CACNA2D2: variants seen among roughly 807,000 people sequenced by gnomAD.
CACNA2D2 encodes voltage-dependent calcium channel subunit alpha-2/delta-2.
A neutral mutation model predicts 166.4 loss-of-function variants in CACNA2D2; 48 were observed. The observed-to-expected ratio is 0.29, with a 90% confidence interval of 0.23 to 0.37. The LOEUF (loss-of-function observed/expected upper bound fraction) is 0.37. Among genes scored for constraint, CACNA2D2 ranks in the 10% least tolerant of loss-of-function variants. The pLI, the probability that CACNA2D2 is intolerant of heterozygous loss-of-function variation, is 1.00. For missense variants in CACNA2D2, 1,122 were observed against 1,433.0 expected (o/e 0.78, Z 3.50); for synonymous variants, 561 against 573.7 (o/e 0.98, Z 0.32).
intron 2 of CACNA2D2, among the ~76,000 whole-genome samples, chr3:50,466,556 G>A (rs759119030): frequency 8.5e-5 from 13 of 152,160 alleles, no homozygotes; most frequent in Non-Finnish European, 1.8e-4. Context: ...GACGCACAGG[G>A]GTTCACTTAT....
At chr3:50,462,393 T>C (rs868550918) in intron 2 of CACNA2D2, among the ~76,000 whole-genome samples, 1 of 133,542 alleles carries the variant, frequency 7.5e-6, no homozygotes, top group East Asian at 2.3e-4. Flanking sequence ...CTCAAAATAA[T>C]AATAATAATA....
In CACNA2D2 at chr3:50,384,299, C is replaced by A; in HGVS notation, c.549G>T (p.Lys183Asn). 1 of 1,614,118 alleles carries A rather than the reference C, an allele frequency of 6.2e-7. No individual in the cohort carries two copies. The highest frequency in any genetic ancestry group is 8.5e-7 in the Non-Finnish European group (1 of 1,180,000). Residue 183 changes from lysine to asparagine, a missense_variant, in exon 6 of 38, where the codon AAG becomes AAT. Around this residue, in one of 2 missense-constraint regions of CACNA2D2, gnomAD observed 840 missense variants for 1,166.8 expected, o/e 0.72. Coordinates refer to ENST00000424201, the MANE Select transcript of CACNA2D2 (RefSeq NM_006030.4). ...PESEDVERGSKASTLRLDFIE... is the reference protein window; with the variant it reads ...PESEDVERGSNASTLRLDFIE... ...TGAAGTCCAGCCTTAGGGTGCTGGC[C>A]TTAGACCCCCTTTCCACATCCTCAC...
chr3:50,410,900 ACACATGTG>A (rs1706980374), intron 3 of CACNA2D2, among the ~76,000 whole-genome samples: 2 of 152,202 alleles, frequency 1.3e-5, no homozygotes, highest in Non-Finnish European at 2.9e-5. Context: ...GTGTACATAA[ACACATGTG>A]CACATGTGCA....
At chr3:50,377,672 TG>T (rs1705061287) in intron 16 of CACNA2D2, 59 bp downstream of exon 16, 2 of 1,576,906 alleles carry the variant, frequency 1.3e-6, no homozygotes, top group African/African-American at 2.7e-5. Context: ...TCAGACCTGC[TG>T]TGGGCATGCC....
chr3:50,375,062 T>C lies in CACNA2D2; in HGVS notation c.1908-249A>G, dbSNP rs1424162972. Among the ~76,000 whole-genome samples, 1 of 151,828 alleles carries C rather than the reference T, an allele frequency of 6.6e-6. No homozygotes were observed. The highest frequency in any genetic ancestry group is 1.5e-5 in the Non-Finnish European group (1 of 67,932). On this transcript the variant is annotated intron_variant, in intron 21 of 37. Coordinates refer to ENST00000424201, the MANE Select transcript of CACNA2D2 (RefSeq NM_006030.4). The surrounding 1 kb of genome is among the most constrained non-coding windows in gnomAD (Gnocchi z 4.0). ...CCCCAAAGCAAATCCCCACACCATC[T>C]CCCCTCCCAGCAGCCTCTCACAACA...
At chr3:50,391,511 C>T (rs535763838) in intron 4 of CACNA2D2, among the ~76,000 whole-genome samples, 2 of 152,224 alleles carry the variant, frequency 1.3e-5, no homozygotes, top group Non-Finnish European at 2.9e-5. Context: ...ATGGGAGGCA[C>T]TGCCTGCTAA....
intron 3 of CACNA2D2, among the ~76,000 whole-genome samples, chr3:50,417,022 G>A (rs750526064): frequency 6.6e-6 from 1 of 152,218 alleles, no homozygotes; most frequent in African/African-American, 2.4e-5. Context: ...GTTGCAGACA[G>A]GGGAAGAACA....
chr3:50,464,785 A>G (rs1049107291), intron 2 of CACNA2D2, among the ~76,000 whole-genome samples: 1 of 152,194 alleles, frequency 6.6e-6, no homozygotes, highest in African/African-American at 2.4e-5. Context: ...GAGAGCAATA[A>G]TGGCTGGGGA....
At chr3:50,458,205 C>T (rs1709447910) in intron 2 of CACNA2D2, among the ~76,000 whole-genome samples, 1 of 152,256 alleles carries the variant, frequency 6.6e-6, no homozygotes, top group Non-Finnish European at 1.5e-5. Flanking sequence ...GCCAGGGCTT[C>T]CCACTGCGCA....
rs191955045 is a variant in CACNA2D2 at position 50,487,224 on chromosome 3, T to C, written c.207-11025A>G. 3.5e-3 allele frequency among the ~76,000 whole-genome samples: 530 copies of C among 152,296 alleles called. 1 individual carries two copies. Among genetic ancestry groups the C allele is most frequent in the Non-Finnish European group, 6.1e-3 (417 of 68,016 alleles). On this transcript the variant is annotated intron_variant, in intron 1 of 37. Coordinates refer to ENST00000424201, the MANE Select transcript of CACNA2D2 (RefSeq NM_006030.4). ...CTCCAATGGCCAAATAGGAAGTAGG[T>C]TGCAGGTAAGAGCCGCCCCTCGTAT...
Position 50,365,084 on chromosome 3 carries a change from C to T in CACNA2D2, c.3199G>A (p.Glu1067Lys). The T allele has an allele frequency of 6.2e-7, 1 of 1,611,460 alleles. No individual in the cohort carries two copies. The highest frequency in any genetic ancestry group is 1.7e-4 in the Middle Eastern group (1 of 6,046). The change falls in exon 36 of 38, where the codon GAG becomes AAG. Residue 1067 changes from glutamate (E) to lysine (K), a missense_variant. Glu to Lys is a moderately conservative substitution (Grantham distance 56). This residue lies in a region of CACNA2D2 where 282 missense variants were observed against 266.2 expected (regional missense o/e 1.06). Transcript: ENST00000424201. This position sits in a 1 kb window ranked among gnomAD's most constrained non-coding sequence, Gnocchi z 4.5. ...GGCGGGGGCAGGATACAGTGCGTCT[C>T]CTTCTGCAGCAGCCGGCCAGCCTCG... ...QCEAGRLLQK[E>K]THSDGPEQCE...
At chr3:50,387,737 C>G in intron 4 of CACNA2D2, 125 bp from the exon 5 acceptor site, 1 of 726,656 alleles carries the variant, frequency 1.4e-6, no homozygotes, top group Non-Finnish European at 2.3e-6. Flanking sequence ...CTTTCCCCCA[C>G]CCAGAGCCCC....
intron 3 of CACNA2D2, among the ~76,000 whole-genome samples, chr3:50,415,332 G>A (rs1224737900): frequency 2.0e-5 from 3 of 152,216 alleles, no homozygotes; most frequent in Non-Finnish European, 2.9e-5. Context: ...GGTTGGGTTT[G>A]ACTATGGATG....
At chr3:50,458,999 C>G (rs1401472073) in intron 2 of CACNA2D2, among the ~76,000 whole-genome samples, 2 of 152,244 alleles carry the variant, frequency 1.3e-5, no homozygotes, top group Non-Finnish European at 2.9e-5. Flanking sequence ...ATGTGGGGCT[C>G]TGTGTGCAGG....
At chr3:50,451,138 T>C (rs1364082673) in intron 2 of CACNA2D2, among the ~76,000 whole-genome samples, 1 of 151,678 alleles carries the variant, frequency 6.6e-6, no homozygotes, top group Non-Finnish European at 1.5e-5. Context: ...GGGCTGTTTT[T>C]TTTTGAGACG....
chr3:50,464,328 A>C (rs940408775), intron 2 of CACNA2D2, among the ~76,000 whole-genome samples: 1 of 152,200 alleles, frequency 6.6e-6, no homozygotes, highest in African/African-American at 2.4e-5. Context: ...AGGGCATCTA[A>C]GGCTGTGAGT....
At chr3:50,475,638 C>G (rs894963185) in intron 2 of CACNA2D2, among the ~76,000 whole-genome samples, 2 of 152,178 alleles carry the variant, frequency 1.3e-5, no homozygotes, top group Non-Finnish European at 2.9e-5. Context: ...ATCAATCACC[C>G]CTCCCACACC....
Position 50,479,306 on chromosome 3 carries a change from A to G in CACNA2D2, c.207-3107T>C, listed in dbSNP as rs577752850. Among the ~76,000 whole-genome samples, 5 of 152,288 alleles carry G rather than the reference A, an allele frequency of 3.3e-5. No homozygotes were observed. In the East Asian group the frequency reaches 5.8e-4, roughly 18 times the overall value. ...CCACACACATGTCCTCCCAAGGTCT[A>G]GAGGTGGCTCCAGCCCTTTGCCTGG... On this transcript the variant is annotated intron_variant, in intron 1 of 37. Transcript: ENST00000424201.
Position 50,447,877 on chromosome 3 carries a change from T to C in CACNA2D2, c.289-13448A>G, listed in dbSNP as rs552748053. ...CACATCCAGAATGCCACACCCTGACTGGATCAGGGCTCAGGTACGCTCTTC... is the reference window on the plus strand; with the variant it reads ...CACATCCAGAATGCCACACCCTGACCGGATCAGGGCTCAGGTACGCTCTTC... On this transcript the variant is annotated intron_variant, in intron 2 of 37. Transcript: ENST00000424201. Among the ~76,000 whole-genome samples the C allele has an allele frequency of 7.9e-5, 12 of 152,274 alleles. No homozygotes were observed. In the South Asian group the frequency reaches 1.2e-3, roughly 16 times the overall value.
Sources: gnomAD v4.1 joint callset for allele counts (sites outside exome capture counted in the v4.1 genomes callset) on GRCh38, gnomAD v4.1.1 for gene constraint, gnomAD v4.1.1 regional missense constraint, Gnocchi (gnomAD v3.1) non-coding constraint, MANE v1.5 for transcripts, NCBI Gene and HGNC (gene_info 2026-07-23, HGNC 2026-07-21) for gene names.